Variants in MSRA observed in about 807,000 individuals in gnomAD.
MSRA encodes the protein mitochondrial peptide methionine sulfoxide reductase.
Under a neutral mutation model 31.3 loss-of-function variants are expected in MSRA, and 54 were observed. That is an observed-to-expected ratio of 1.73 (90% CI 1.39 to 2.17). The LOEUF (loss-of-function observed/expected upper bound fraction) is 2.17, where lower values mean the gene tolerates loss of function less well. MSRA is among the 30% of genes most tolerant of loss of function. The pLI, the probability that MSRA is intolerant of heterozygous loss-of-function variation, is 0.00. For synonymous variants in MSRA, 169 were observed against 116.5 expected (o/e 1.45, Z -2.90); for missense variants, 507 against 300.9 (o/e 1.69, Z -5.07).
At chr8:10,191,195 A>G (rs1807472908) in intron 1 of MSRA, among the ~76,000 whole-genome samples, 1 of 152,192 alleles carries the variant, frequency 6.6e-6, no homozygotes, top group South Asian at 2.1e-4. Flanking sequence ...AAGGGAAAAA[A>G]CATATTTTAC....
intron 1 of MSRA, among the ~76,000 whole-genome samples, chr8:10,178,452 A>G (rs1184725540): frequency 6.6e-6 from 1 of 152,218 alleles, no homozygotes; most frequent in Non-Finnish European, 1.5e-5. Flanking sequence ...AAATAAAAAC[A>G]AAAACACAAT....
chr8:10,065,838 C>T (rs1797428371), intron 1 of MSRA, among the ~76,000 whole-genome samples: 1 of 152,042 alleles, frequency 6.6e-6, no homozygotes, highest in African/African-American at 2.4e-5. Flanking sequence ...AACACAGTCG[C>T]CCTGCTATCA....
chr8:10,214,542 G>A (rs1047686517), intron 2 of MSRA, among the ~76,000 whole-genome samples: 1 of 147,384 alleles, frequency 6.8e-6, no homozygotes, highest in East Asian at 2.2e-4. Flanking sequence ...CCGGTGTGGC[G>A]TATTTCTCCC....
chr8:10,186,598 G>A (rs1287083252), intron 1 of MSRA, among the ~76,000 whole-genome samples: 1 of 152,190 alleles, frequency 6.6e-6, no homozygotes, highest in African/African-American at 2.4e-5. Flanking sequence ...TAATTGAGTA[G>A]TAATCCTTTA....
chr8:10,280,191 C>A (rs55816803), intron 3 of MSRA, among the ~76,000 whole-genome samples: 5,037 of 151,096 alleles, frequency 0.033, 112 homozygotes, highest in Non-Finnish European at 0.047. Context: ...TTTGTGCTTT[C>A]TTTTTTTTTC....
At chr8:10,228,933 G>C (rs1563244591) in intron 2 of MSRA, among the ~76,000 whole-genome samples, 1 of 152,024 alleles carries the variant, frequency 6.6e-6, no homozygotes, top group Non-Finnish European at 1.5e-5. Flanking sequence ...GTTACTTGCT[G>C]TTTGTAGGGA....
At chr8:10,141,569 T>C (rs997214526) in intron 1 of MSRA, among the ~76,000 whole-genome samples, 2 of 152,210 alleles carry the variant, frequency 1.3e-5, no homozygotes, top group Non-Finnish European at 1.5e-5. Context: ...GAGCTAAGCA[T>C]GCATGGAGTC....
At chr8:10,310,373 C>A (rs941187029) in intron 4 of MSRA, among the ~76,000 whole-genome samples, 3 of 152,226 alleles carry the variant, frequency 2.0e-5, no homozygotes, top group African/African-American at 7.2e-5. Flanking sequence ...ATTGTTCTTT[C>A]AGTCACACTT....
intron 1 of MSRA, among the ~76,000 whole-genome samples, chr8:10,168,357 G>A (rs757756309): frequency 6.6e-6 from 1 of 152,036 alleles, no homozygotes; most frequent in Non-Finnish European, 1.5e-5. Context: ...GGTCTTCCAC[G>A]TCGCTGGTGT....
intron 2 of MSRA, among the ~76,000 whole-genome samples, chr8:10,210,537 G>A (rs1809384728): frequency 6.6e-6 from 1 of 152,134 alleles, no homozygotes; most frequent in Non-Finnish European, 1.5e-5. Flanking sequence ...AATACTGGTT[G>A]GAGCAAGATC....
chr8:10,055,151 C>G lies in MSRA; in HGVS notation c.142+493C>G, dbSNP rs779148253. Among the ~76,000 whole-genome samples, 3 of 92,852 alleles carry G rather than the reference C, an allele frequency of 3.2e-5. No individual in the cohort carries two copies. In the South Asian group the frequency reaches 1.4e-3, roughly 43 times the overall value. 60.9% of individuals were successfully genotyped at this position (92,852 alleles called of 152,430 possible). Reference sequence around the variant, plus strand: ...GAAAACCTTAAGTGTGGAACTGCGTCTCAGGCCAGTGTTCTGGCTGAGTCA... The same window carrying G: ...GAAAACCTTAAGTGTGGAACTGCGTGTCAGGCCAGTGTTCTGGCTGAGTCA... On this transcript the variant is annotated intron_variant, in intron 1 of 5. Transcript: ENST00000317173.
intron 1 of MSRA, among the ~76,000 whole-genome samples, chr8:10,112,331 A>G (rs1035745345): frequency 1.3e-5 from 2 of 152,166 alleles, no homozygotes; most frequent in African/African-American, 4.8e-5. Context: ...ACTTTTTCTT[A>G]AAAATAAAGA....
chr8:10,323,422 T>A (rs1802170192), intron 5 of MSRA, among the ~76,000 whole-genome samples: 1 of 152,092 alleles, frequency 6.6e-6, no homozygotes. Context: ...AATACTGAAA[T>A]ATGATGATAT....
intron 4 of MSRA, among the ~76,000 whole-genome samples, chr8:10,316,856 C>A (rs1014516363): frequency 6.6e-6 from 1 of 152,130 alleles, no homozygotes; most frequent in South Asian, 2.1e-4. Flanking sequence ...GACTTCGGGA[C>A]ACCATGGCAT....
intron 5 of MSRA, among the ~76,000 whole-genome samples, chr8:10,345,556 G>C (rs1025567872): frequency 2.0e-5 from 3 of 152,136 alleles, no homozygotes; most frequent in African/African-American, 7.2e-5. Flanking sequence ...ATGATTGGAA[G>C]AATCTTCAAA....
intron 4 of MSRA, among the ~76,000 whole-genome samples, chr8:10,313,966 G>A (rs1228032409): frequency 6.6e-6 from 1 of 152,162 alleles, no homozygotes; most frequent in African/African-American, 2.4e-5. Context: ...TAGGAAGAAA[G>A]TTAATTGGAT....
chr8:10,178,791 G>A (rs1023635231), intron 1 of MSRA, among the ~76,000 whole-genome samples: 26 of 152,104 alleles, frequency 1.7e-4, no homozygotes, highest in South Asian at 4.2e-4. Flanking sequence ...GAGATACTTT[G>A]GAATGTTTTA....
chr8:10,263,135 G>A (rs941009196), intron 3 of MSRA, among the ~76,000 whole-genome samples: 1 of 152,234 alleles, frequency 6.6e-6, no homozygotes, highest in African/African-American at 2.4e-5. Context: ...ATTTTCAGTG[G>A]TTGATTATAA....
At chr8:10,247,832 A>G (rs1466303881) in intron 3 of MSRA, among the ~76,000 whole-genome samples, 2 of 152,216 alleles carry the variant, frequency 1.3e-5, no homozygotes, top group African/African-American at 2.4e-5. Flanking sequence ...GAGAGGAGCT[A>G]TGATAGAAAG....
Sources: allele counts gnomAD v4.1 joint callset (sites outside exome capture counted in the v4.1 genomes callset), GRCh38; gene constraint gnomAD v4.1.1; transcripts MANE v1.5; gene names NCBI Gene and HGNC (gene_info 2026-07-23, HGNC 2026-07-21).